The following IK variants were observed in gnomAD, a reference collection of about 807,000 sequenced individuals.
IK encodes the protein IK cytokine.
IK carries 47 observed loss-of-function variants against 90.9 expected under a neutral mutation model. The ratio of observed to expected loss-of-function variants is 0.52; its 90% CI spans 0.41 to 0.66. The LOEUF is 0.66. Among genes scored for constraint, IK ranks in the 30% least tolerant of loss-of-function variants. The pLI, the probability that IK is intolerant of heterozygous loss-of-function variation, is 0.00. For synonymous variants in IK, 201 were observed against 227.5 expected, an observed-to-expected ratio of 0.88 and a Z score of 1.05; for missense variants, 385 against 709.3, an observed-to-expected ratio of 0.54 and a Z score of 5.19.
At chr5:140,648,746 T>C (rs1372797453) in intron 2 of IK, 1 of 554,910 alleles carries the variant, frequency 1.8e-6, no homozygotes, top group African/African-American at 1.9e-5. Context: ...GTTAAGTTTT[T>C]TTTTTTTTTT....
chr5:140,661,566 C>A lies in IK; in HGVS notation c.1414-54C>A. ...CTGGCTTCAATCAAGGGCTGAAATT[C>A]CATTTCCACTGACATCTCTTCCTTC... is the stretch of plus-strand genomic sequence containing the variant. On this transcript the variant is annotated intron_variant, in intron 16 of 19. Transcript: ENST00000417647. The surrounding 1 kb of genome is among the most constrained non-coding windows in gnomAD (Gnocchi z 4.2). The A allele has an allele frequency of 7.9e-7, 1 of 1,261,012 alleles. No individual in the cohort carries two copies. Among genetic ancestry groups the A allele is most frequent in the Non-Finnish European group, 1.1e-6 (1 of 886,148 alleles). The allele number at this position is 1,261,012 out of a possible 1,614,324, so 78.1% of individuals were successfully genotyped here.
At position 140,661,575 on chromosome 5, in the gene IK, C is replaced by G. The variant is rs1010299317; in HGVS notation, c.1414-45C>G. ...ATCAAGGGCTGAAATTCCATTTCCACTGACATCTCTTCCTTCCCCATCCCC... is the reference window on the plus strand; with the variant it reads ...ATCAAGGGCTGAAATTCCATTTCCAGTGACATCTCTTCCTTCCCCATCCCC... On this transcript the variant is annotated intron_variant, in intron 16 of 19. Coordinates refer to ENST00000417647, the MANE Select transcript of IK (RefSeq NM_006083.4). This position sits in a 1 kb window ranked among gnomAD's most constrained non-coding sequence, Gnocchi z 4.2. 9.6e-6 allele frequency: 13 copies of G among 1,357,098 alleles called. No individual in the cohort carries two copies. The highest frequency in any genetic ancestry group is 1.8e-4 in the Middle Eastern group (1 of 5,596). The allele number at this position is 1,357,098 out of a possible 1,614,324, so 84.1% of individuals were successfully genotyped here. A position where few individuals can be genotyped will look rare whatever the true frequency, so the allele number is the denominator to read the frequency against.
At position 140,654,601 on chromosome 5, in the gene IK, T is replaced by C; in HGVS notation, c.590+15T>C. 2 of 1,586,112 alleles carry C rather than the reference T, an allele frequency of 1.3e-6. No homozygotes were observed. The highest frequency in any genetic ancestry group is 1.7e-6 in the Non-Finnish European group (2 of 1,164,370). ...AAAGAAACCAAGTAAGTAAATATTA[T>C]GGAAAGGTTGAGAATTTAGAAAGGT... On this transcript the variant is annotated intron_variant, in intron 7 of 19. Coordinates refer to ENST00000417647, the MANE Select transcript of IK (RefSeq NM_006083.4).
intron 3 of IK, 42 bp from the exon 4 acceptor site, chr5:140,652,046 G>GT: frequency 6.7e-7 from 1 of 1,502,218 alleles, no homozygotes; most frequent in Non-Finnish European, 9.3e-7. Flanking sequence ...TTCTGGGGCT[G>GT]TGGCAATATT....
chr5:140,658,593 T>C (rs1054598866), intron 10 of IK, 144 bp from the exon 11 acceptor site: 2 of 669,558 alleles, frequency 3.0e-6, no homozygotes, highest in African/African-American at 3.6e-5. Context: ...GTGCTGGGAT[T>C]ACAGGCGTGA....
intron 1 of IK, chr5:140,648,181 C>T (rs779854334): frequency 3.5e-5 from 25 of 705,032 alleles, no homozygotes; most frequent in African/African-American, 3.5e-4. Context: ...ATCGCTTTCC[C>T]CCAGTCCTGT....
At chr5:140,648,444 TA>T (rs1561969483) in intron 1 of IK, 26 bp from the exon 2 acceptor site, 2 of 1,612,138 alleles carry the variant, frequency 1.2e-6, no homozygotes, top group South Asian at 1.1e-5. Flanking sequence ...AGAGACTGAT[TA>T]AATTAACGTC....
At chr5:140,653,367 A>AGCTCCGCCTCCCAGGTTCATGCCAT (rs1757647560) in intron 5 of IK, among the ~76,000 whole-genome samples, 1 of 150,930 alleles carries the variant, frequency 6.6e-6, no homozygotes, top group Non-Finnish European at 1.5e-5. Context: ...GCTCATGGCA[A>AGCTCCGCCTCCCAGGTTCATGCCAT]GCTCCGCCTC....
At chr5:140,659,187 C>T (rs1757761475) in intron 12 of IK, 23 bp downstream of exon 12, 1 of 1,593,784 alleles carries the variant, frequency 6.3e-7, no homozygotes, top group South Asian at 1.1e-5. Context: ...CCCTTAGTAC[C>T]AGGTGATGGA....
At chr5:140,658,494 AC>A (rs1448946230) in intron 10 of IK, among the ~76,000 whole-genome samples, 1 of 151,120 alleles carries the variant, frequency 6.6e-6, no homozygotes, top group Admixed American at 6.6e-5. Context: ...ATTTTTTTGT[AC>A]TTTTAGTAGA....
intron 2 of IK, 150 bp downstream of exon 2, chr5:140,648,687 C>T: frequency 2.6e-6 from 2 of 767,992 alleles, no homozygotes; most frequent in Admixed American, 2.3e-5. Context: ...TTAACTGGAT[C>T]AGGCCAAGTG....
chr5:140,658,871 G>C, intron 11 of IK, 68 bp from the exon 12 acceptor site: 3 of 1,602,756 alleles, frequency 1.9e-6, no homozygotes, highest in East Asian at 2.2e-5. Context: ...TGAGAATCTG[G>C]AGAAATGGTC....
rs367708075 is a variant in IK at position 140,660,721 on chromosome 5, G to T, written c.1356-37G>T. 3.9e-6 allele frequency: 6 copies of T among 1,540,328 alleles called. No homozygotes were observed. In the Admixed American group the frequency reaches 8.4e-5, roughly 21 times the overall value. On this transcript the variant is annotated intron_variant, in intron 15 of 19. Transcript: ENST00000417647. ...GTTTCCAGATGAAGCATAGGGTCAG[G>T]GTATGCAACATCTGTTTAACTCTTG...
intron 8 of IK, among the ~76,000 whole-genome samples, chr5:140,655,289 T>C (rs1757691319): frequency 6.6e-6 from 1 of 152,212 alleles, no homozygotes; most frequent in African/African-American, 2.4e-5. Flanking sequence ...AGTTTAAACC[T>C]TGATGATGAA....
Position 140,657,570 on chromosome 5 carries a change from C to G in IK, c.818C>G (p.Thr273Ser). ...TATTTTCAGGCCCAGACCACACTGA[C>G]CACAAATGACATTGTCATTAGCAAG... ...CPTMEAQTTL[T>S]TNDIVISKLT... The change falls in exon 10 of 20, where the codon ACC becomes AGC. Residue 273 changes from threonine to serine, a missense_variant. Thr to Ser is a moderately conservative substitution (Grantham distance 58). Transcript: ENST00000417647. 1 of 1,612,136 alleles carries G rather than the reference C, an allele frequency of 6.2e-7. No individual in the cohort carries two copies. Among genetic ancestry groups the G allele is most frequent in the Non-Finnish European group, 8.5e-7 (1 of 1,179,174 alleles).
intron 11 of IK, 42 bp from the exon 12 acceptor site, chr5:140,658,897 G>T: frequency 6.2e-7 from 1 of 1,610,968 alleles, no homozygotes; most frequent in Non-Finnish European, 8.5e-7. Flanking sequence ...GAGTGAAGGT[G>T]TATGTGTGAA....
intron 3 of IK, 106 bp downstream of exon 3, chr5:140,651,912 T>C: frequency 1.2e-6 from 1 of 849,508 alleles, no homozygotes; most frequent in Non-Finnish European, 2.0e-6. Flanking sequence ...GTATTTATGA[T>C]ACTCTCTAAA....
chr5:140,662,189 A>G lies in IK; in HGVS notation c.1622A>G (p.Lys541Arg). 1 of 1,614,024 alleles carries G rather than the reference A, an allele frequency of 6.2e-7. No homozygotes were observed. The highest frequency in any genetic ancestry group is 1.7e-5 in the Admixed American group (1 of 60,026). Residue 541 changes from lysine to arginine, a missense_variant, in exon 19 of 20, where the codon AAG (lysine) becomes AGG (arginine). By Grantham distance (26) the Lys-to-Arg change is conservative (BLOSUM62 2). Around this residue, in one of 8 missense-constraint regions of IK, gnomAD observed 29 missense variants for 41.8 expected, o/e 0.69. Transcript: ENST00000417647. ...CTGTTGTTTTTGCAGATCATTGAGAAGAGGAAGAAGATGGAAGCTGATGGG... is the reference window on the plus strand; with the variant it reads ...CTGTTGTTTTTGCAGATCATTGAGAGGAGGAAGAAGATGGAAGCTGATGGG... ...QWKKISAIIEKRKKMEADGVE... is the reference protein window; with the variant it reads ...QWKKISAIIERRKKMEADGVE...
At chr5:140,655,807 G>C (rs1190196926) in intron 8 of IK, 22 bp from the exon 9 acceptor site, 2 of 1,605,236 alleles carry the variant, frequency 1.2e-6, no homozygotes, top group East Asian at 2.2e-5. Context: ...CTGGCTACTT[G>C]CTGCTCTTCT....
Sources: gnomAD v4.1 joint callset for allele counts (sites outside exome capture counted in the v4.1 genomes callset) on GRCh38, gnomAD v4.1.1 for gene constraint, gnomAD v4.1.1 regional missense constraint, Gnocchi (gnomAD v3.1) non-coding constraint, MANE v1.5 for transcripts, NCBI Gene and HGNC (gene_info 2026-07-23, HGNC 2026-07-21) for gene names.